Variants in APOB observed in about 807,000 individuals in gnomAD.
APOB encodes the protein apolipoprotein B-100.
APOB carries 153 observed loss-of-function variants against 314.1 expected under a neutral mutation model. That is an observed-to-expected ratio of 0.49 (90% CI 0.43 to 0.56). The LOEUF (loss-of-function observed/expected upper bound fraction) is 0.56. Ranked by LOEUF, APOB falls within the 20% of genes least tolerant of loss-of-function variation. APOB has a pLI of 0.00. For missense variants in APOB, 5,430 were observed against 5,350.7 expected, an observed-to-expected ratio of 1.01 and a Z score of -0.46; for synonymous variants, 2,087 against 2,036.4, an observed-to-expected ratio of 1.02 and a Z score of -0.67.
chr2:21,016,530 C>T lies in APOB; in HGVS notation c.3241G>A (p.Asp1081Asn). The change falls in exon 21 of 29, where the codon GAT becomes AAT. Residue 1081 changes from aspartate (D) to asparagine (N), a missense_variant. Asp to Asn is a conservative substitution (Grantham distance 23). Coordinates refer to ENST00000233242, the MANE Select transcript of APOB (RefSeq NM_000384.3). ...GACGTTTTGCCCTCAGTAGATTCAT[C>T]ATTAACTCTGAGGATTGTTCCGAGG... Reference protein sequence around the residue: ...VDLGTILRVNDESTEGKTSYR... With the variant: ...VDLGTILRVNNESTEGKTSYR... 6.2e-7 allele frequency: 1 copy of T among 1,604,970 alleles called. No homozygotes were observed. Among genetic ancestry groups the T allele is most frequent in the Non-Finnish European group, 8.5e-7 (1 of 1,171,678 alleles).
At chr2:21,036,483 G>A (rs1214236432) in intron 6 of APOB, among the ~76,000 whole-genome samples, 1 of 152,174 alleles carries the variant, frequency 6.6e-6, no homozygotes, top group Non-Finnish European at 1.5e-5. Context: ...TCATATCAGG[G>A]AAGATGTTGC....
intron 2 of APOB, 93 bp downstream of exon 2, chr2:21,043,420 C>T: frequency 7.0e-7 from 1 of 1,431,906 alleles, no homozygotes; most frequent in Non-Finnish European, 9.6e-7. Context: ...GATGCCATCT[C>T]AGCCCTGTAG....
At chr2:21,035,482 C>G in intron 7 of APOB, 102 bp downstream of exon 7, 1 of 1,488,536 alleles carries the variant, frequency 6.7e-7, no homozygotes, top group Non-Finnish European at 9.3e-7. Context: ...CTCTCCATTC[C>G]TCCCTCCCAG....
At chr2:21,035,789 A>G in intron 6 of APOB, 81 bp from the exon 7 acceptor site, 1 of 1,404,068 alleles carries the variant, frequency 7.1e-7, no homozygotes, top group Non-Finnish European at 1.0e-6. Context: ...GGTAGAAGGG[A>G]GCAGGAGTCC....
At chr2:21,014,705 C>A in intron 23 of APOB, 112 bp from the exon 24 acceptor site, 2 of 1,077,980 alleles carry the variant, frequency 1.9e-6, no homozygotes, top group African/African-American at 1.6e-5. Flanking sequence ...CTGGACAATG[C>A]ACTGAAAGTT....
Position 21,008,139 on chromosome 2 carries a change from A to G in APOB, c.8729T>C (p.Ile2910Thr), listed in dbSNP as rs753722195. 1 of 1,613,784 alleles carries G rather than the reference A, an allele frequency of 6.2e-7. No individual in the cohort carries two copies. Among genetic ancestry groups the G allele is most frequent in the Admixed American group, 1.7e-5 (1 of 59,970 alleles). The change falls in exon 26 of 29, where the codon ATC becomes ACC. Residue 2910 changes from isoleucine (I) to threonine (T), a missense_variant. This residue lies in a region of APOB where 3,281 missense variants were observed against 3,171.0 expected (regional missense o/e 1.03). Transcript: ENST00000233242. The stretch of plus-strand genomic sequence containing the variant: ...GTGGCCAGCTTTCAACAGTGTCTTG[A>G]TCTCGTTGCGCAGGTCAGCCTGACT... Reference protein sequence around the residue: ...FSSQADLRNEIKTLLKAGHIA... With the variant: ...FSSQADLRNETKTLLKAGHIA...
chr2:21,022,993 G>T lies in APOB; in HGVS notation c.2654C>A (p.Thr885Lys). ...GTCCGGAATGATGATGCCCATATTT[G>T]TCACAAACTCCACAGACACGGAGGG... The part of the protein sequence containing the change: ...AKPSVSVEFV[T>K]NMGIIIPDFA... Residue 885 changes from threonine (T) to lysine (K), a missense_variant, in exon 18 of 29, where the codon ACA (threonine) becomes AAA (lysine). Coordinates refer to ENST00000233242, the MANE Select transcript of APOB (RefSeq NM_000384.3). 1 of 1,614,144 alleles carries T rather than the reference G, an allele frequency of 6.2e-7. No individual in the cohort carries two copies. Among genetic ancestry groups the T allele is most frequent in the Non-Finnish European group, 8.5e-7 (1 of 1,180,040 alleles).
chr2:21,013,175 A>G lies in APOB; in HGVS notation c.4201T>C (p.Ser1401Pro), dbSNP rs781141343. The G allele has an allele frequency of 1.2e-5, 20 of 1,613,868 alleles. No homozygotes were observed. Among genetic ancestry groups the G allele is most frequent in the Non-Finnish European group, 1.7e-5 (20 of 1,179,968 alleles). The change falls in exon 25 of 29, where the codon TCC becomes CCC. Residue 1401 changes from serine (S) to proline (P), a missense_variant. Physicochemically the swap from Ser to Pro is moderately conservative, Grantham distance 74. Transcript: ENST00000233242. The part of the protein sequence containing the change: ...MKADSVVDLL[S>P]YNVQGSGETT... ...CATAGCTCACCTTGCACATTGTAGG[A>G]AAGCAGGTCAACCACAGAGTCAGCC...
Position 21,005,965 on chromosome 2 carries a change from T to C in APOB, c.10903A>G (p.Asn3635Asp). 1 of 1,613,880 alleles carries C rather than the reference T, an allele frequency of 6.2e-7. No individual in the cohort carries two copies. The highest frequency in any genetic ancestry group is 8.5e-7 in the Non-Finnish European group (1 of 1,179,946). Residue 3635 changes from asparagine to aspartate, a missense_variant, in exon 26 of 29, where the codon AAT becomes GAT. Coordinates refer to ENST00000233242, the MANE Select transcript of APOB (RefSeq NM_000384.3). ...NTKNQKIRWK[N>D]EVRIHSGSFQ... ...GACCCAGAATGAATCCGGACTTCATTTTTCCATCTGATCTTCTGGTTCTTA... is the reference window on the plus strand; with the variant it reads ...GACCCAGAATGAATCCGGACTTCATCTTTCCATCTGATCTTCTGGTTCTTA...
rs956588412 is a variant in APOB, at chr2:21,014,955, T to TG, written c.3696+117dup. On this transcript the variant is annotated intron_variant, in intron 23 of 28. Transcript: ENST00000233242. ...TTTTTTTTTCTCCCCAAGAATTCCCTGGGGGGAAGGAAGCATGCCTTATAC... is the reference window on the plus strand; with the variant it reads ...TTTTTTTTTCTCCCCAAGAATTCCCTGGGGGGGAAGGAAGCATGCCTTATAC... The TG allele has an allele frequency of 3.3e-5, 37 of 1,118,092 alleles. No homozygotes were observed. In the South Asian group the frequency reaches 3.4e-4, roughly 10 times the overall value. 69.3% of individuals were successfully genotyped at this position (1,118,092 alleles called of 1,614,324 possible).
At chr2:21,036,566 C>T (rs759108167) in intron 6 of APOB, among the ~76,000 whole-genome samples, 12 of 152,006 alleles carry the variant, frequency 7.9e-5, no homozygotes, top group Admixed American at 1.3e-4. Context: ...TGCTCCAGGC[C>T]GGTGGCAGTG....
At chr2:21,023,443 C>G in intron 17 of APOB, 82 bp downstream of exon 17, 1 of 1,507,322 alleles carries the variant, frequency 6.6e-7, no homozygotes, top group South Asian at 1.1e-5. Flanking sequence ...AGTGGAAACA[C>G]ATTTTTAAAT....
At chr2:21,027,749 T>C (rs1411011528) in intron 14 of APOB, 79 bp downstream of exon 14, 17 of 1,100,766 alleles carry the variant, frequency 1.5e-5, no homozygotes, top group Non-Finnish European at 2.2e-5. Context: ...TTCCTCTGGG[T>C]AGCTCCTGGC....
In APOB at chr2:21,011,902, C is replaced by T. The variant is rs778903052; in HGVS notation, c.4966G>A (p.Ala1656Thr). The T allele has an allele frequency of 1.2e-6, 2 of 1,613,970 alleles. No homozygotes were observed. The highest frequency in any genetic ancestry group is 1.1e-5 in the South Asian group (1 of 91,078). ...RIGQDGISTS[A>T]TTNLKCSLLV... ...AGACTACACTTCAAGTTGGTCGTTG[C>T]ACTGGTAGATATTCCATCTTGGCCA... The change falls in exon 26 of 29, where the codon GCA becomes ACA. Residue 1656 changes from alanine (A) to threonine (T), a missense_variant. By Grantham distance (58) the Ala-to-Thr change is moderately conservative. Transcript: ENST00000233242.
In APOB at chr2:21,006,977, T is replaced by C. The variant is rs1663161770; in HGVS notation, c.9891A>G (p.Leu3297=). 6 of 1,614,050 alleles carry C rather than the reference T, an allele frequency of 3.7e-6. No homozygotes were observed. Among genetic ancestry groups the C allele is most frequent in the Non-Finnish European group, 1.7e-6 (2 of 1,179,948 alleles). Reference sequence around the variant, plus strand: ...CTGGCAGCTCTAATGATGGCAGGATTAATGTGTATGAAGGCACACGGACGT... The same window carrying C: ...CTGGCAGCTCTAATGATGGCAGGATCAATGTGTATGAAGGCACACGGACGT... The part of the protein sequence containing the change: ...GSDVRVPSYT[L]ILPSLELPVL... Residue 3297 remains leucine (L), a synonymous_variant, in exon 26 of 29, where the codon TTA becomes TTG. Coordinates refer to ENST00000233242, the MANE Select transcript of APOB (RefSeq NM_000384.3).
At chr2:21,036,195 C>T (rs1190007492) in intron 6 of APOB, among the ~76,000 whole-genome samples, 1 of 152,172 alleles carries the variant, frequency 6.6e-6, no homozygotes, top group African/African-American at 2.4e-5. Context: ...ACCACGTATA[C>T]TTTATTGACC....
chr2:21,030,826 C>T (rs1200863055), intron 10 of APOB, among the ~76,000 whole-genome samples: 1 of 151,898 alleles, frequency 6.6e-6, no homozygotes, highest in Non-Finnish European at 1.5e-5. Context: ...AGAAGACATA[C>T]AAATGGCAAT....
At chr2:21,018,402 C>T (rs1663526301) in intron 20 of APOB, among the ~76,000 whole-genome samples, 1 of 152,180 alleles carries the variant, frequency 6.6e-6, no homozygotes, top group Non-Finnish European at 1.5e-5. Context: ...TCCTTCACCT[C>T]TCCATATCTC....
intron 18 of APOB, among the ~76,000 whole-genome samples, chr2:21,021,473 C>T (rs1183400955): frequency 6.6e-6 from 1 of 152,148 alleles, no homozygotes; most frequent in Non-Finnish European, 1.5e-5. Flanking sequence ...TCTAAAACAT[C>T]ACCCCTATCT....
Sources: gnomAD v4.1 joint callset for allele counts (sites outside exome capture counted in the v4.1 genomes callset) on GRCh38, gnomAD v4.1.1 for gene constraint, gnomAD v4.1.1 regional missense constraint, MANE v1.5 for transcripts, NCBI Gene and HGNC (gene_info 2026-07-23, HGNC 2026-07-21) for gene names.